Variants in BTNL8 observed in about 807,000 individuals in gnomAD.
BTNL8 encodes the protein butyrophilin like 8.
Under a neutral mutation model 36.1 loss-of-function variants are expected in BTNL8, and 22 were observed. The ratio of observed to expected loss-of-function variants is 0.61; its 90% CI spans 0.44 to 0.87. The LOEUF (loss-of-function observed/expected upper bound fraction) is 0.87. Among genes scored for constraint, BTNL8 ranks in the 40% least tolerant of loss-of-function variants. The pLI, the probability that BTNL8 is intolerant of heterozygous loss-of-function variation, is 0.00. For synonymous variants in BTNL8, 203 were observed against 235.6 expected, an observed-to-expected ratio of 0.86 and a Z score of 1.27; for missense variants, 526 against 616.9, an observed-to-expected ratio of 0.85 and a Z score of 1.56.
chr5:180,911,938 G>A (rs958399833), intron 3 of BTNL8, among the ~76,000 whole-genome samples: 5 of 152,166 alleles, frequency 3.3e-5, no homozygotes, highest in African/African-American at 1.2e-4. Context: ...ATGCTTCTGT[G>A]AGGGTGTTTA....
At chr5:180,931,071 G>C (rs949309127) in intron 3 of BTNL8, among the ~76,000 whole-genome samples, 1 of 152,132 alleles carries the variant, frequency 6.6e-6, no homozygotes, top group Non-Finnish European at 1.5e-5. Context: ...ATACTAGAAG[G>C]CTACAGTAAC....
chr5:180,908,371 G>C (rs1299419581), intron 1 of BTNL8, among the ~76,000 whole-genome samples: 3 of 152,086 alleles, frequency 2.0e-5, no homozygotes, highest in Non-Finnish European at 2.9e-5. Flanking sequence ...GCTTCGGCTC[G>C]TGCACGGTGC....
intron 5 of BTNL8, 113 bp downstream of exon 5, chr5:180,948,488 G>A (rs915698716): frequency 1.9e-6 from 3 of 1,608,504 alleles, no homozygotes; most frequent in Admixed American, 3.4e-5. Flanking sequence ...GGAAGCACCG[G>A]CAGGTGGAGG....
intron 3 of BTNL8, among the ~76,000 whole-genome samples, chr5:180,928,628 C>G (rs1409229220): frequency 1.3e-5 from 2 of 151,960 alleles, no homozygotes; most frequent in Non-Finnish European, 2.9e-5. Context: ...AATTTACCAA[C>G]CAAATGGAAA....
At chr5:180,939,390 C>T (rs1758816170) in intron 3 of BTNL8, among the ~76,000 whole-genome samples, 2 of 150,946 alleles carry the variant, frequency 1.3e-5, no homozygotes, top group African/African-American at 4.9e-5. Flanking sequence ...GAAAAAAAAA[C>T]AAGCAAGAAT....
chr5:180,911,952 A>G (rs566374633), intron 3 of BTNL8, among the ~76,000 whole-genome samples: 1 of 152,220 alleles, frequency 6.6e-6, no homozygotes, highest in African/African-American at 2.4e-5. Flanking sequence ...GTGTTTACAC[A>G]TAAGATTCAC....
At position 180,927,091 on chromosome 5, in the gene BTNL8, G is replaced by C. The variant is rs987514796; in HGVS notation, c.673+15477G>C. Among the ~76,000 whole-genome samples the C allele has an allele frequency of 2.0e-5, 3 of 152,148 alleles. No individual in the cohort carries two copies. The East Asian group carries it at 5.8e-4, about 29-fold the overall frequency. ...AGGAGAGCTCCGGCTGGCATATGGT[G>C]GATGCCCCCCTGGGACGAACCTTAC... is the stretch of plus-strand genomic sequence containing the variant. On this transcript the variant is annotated intron_variant, in intron 3 of 7. Transcript: ENST00000340184.
At chr5:180,934,206 T>C (rs941217669) in intron 3 of BTNL8, among the ~76,000 whole-genome samples, 9 of 152,230 alleles carry the variant, frequency 5.9e-5, no homozygotes, top group Admixed American at 2.0e-4. Flanking sequence ...ATAATCTCAA[T>C]TGATACAGAG....
chr5:180,950,514 C>A lies in BTNL8; in HGVS notation c.1473C>A (p.Thr491=). 1 of 1,463,066 alleles carries A rather than the reference C, an allele frequency of 6.8e-7. No homozygotes were observed. Among genetic ancestry groups the A allele is most frequent in the Non-Finnish European group, 9.4e-7 (1 of 1,059,198 alleles). The allele number at this position is 1,463,066 out of a possible 1,614,324, so 90.6% of individuals were successfully genotyped here. A position where few individuals can be genotyped will look rare whatever the true frequency, so the allele number is the denominator to read the frequency against. Residue 491 remains threonine, a synonymous_variant, in exon 8 of 8, where the codon ACC becomes ACA. Coordinates refer to ENST00000340184, the MANE Select transcript of BTNL8 (RefSeq NM_001040462.3). ...TSNSESSSQA[T]TPFLPRGEM is the part of the protein sequence containing the mutation. ...ACAGTGAGTCCTCCTCACAGGCAAC[C>A]ACGCCCTTCCTCCCCAGGGGTGAAA...
intron 1 of BTNL8, among the ~76,000 whole-genome samples, chr5:180,900,194 CTT>C (rs1372537025): frequency 6.6e-6 from 1 of 152,230 alleles, no homozygotes; most frequent in Non-Finnish European, 1.5e-5. Flanking sequence ...TGACGAGCTT[CTT>C]TGTTTCCCTT....
chr5:180,942,712 G>C (rs989383182), intron 3 of BTNL8, among the ~76,000 whole-genome samples: 2 of 151,824 alleles, frequency 1.3e-5, no homozygotes, highest in Admixed American at 1.3e-4. Flanking sequence ...TCAAAAAATA[G>C]TGCTGCATTT....
At chr5:180,944,275 T>C (rs1343739923) in intron 3 of BTNL8, among the ~76,000 whole-genome samples, 9 of 152,182 alleles carry the variant, frequency 5.9e-5, no homozygotes, top group Admixed American at 5.2e-4. Flanking sequence ...AAAGTGACTA[T>C]AGTTAACAAG....
chr5:180,910,182 G>A (rs990657874), intron 2 of BTNL8, among the ~76,000 whole-genome samples: 3 of 151,998 alleles, frequency 2.0e-5, no homozygotes, highest in Admixed American at 2.0e-4. Context: ...CTTATAACAA[G>A]GAGGAGAATG....
intron 1 of BTNL8, among the ~76,000 whole-genome samples, chr5:180,908,384 G>A (rs111999152): frequency 0.38 from 56,843 of 150,278 alleles, 12,032 homozygotes; most frequent in African/African-American, 0.6. Context: ...CACGGTGCGC[G>A]CACCCACTGA....
chr5:180,908,635 G>A lies in BTNL8; in HGVS notation c.99G>A (p.Gly33=), dbSNP rs1314724257. 2 of 1,614,218 alleles carry A rather than the reference G, an allele frequency of 1.2e-6. No homozygotes were observed. Among genetic ancestry groups the A allele is most frequent in the Non-Finnish European group, 1.7e-6 (2 of 1,180,046 alleles). ...GPDKPVQALV[G]EDAAFSCFLS... ...ACAAGCCTGTCCAGGCCTTGGTGGG[G>A]GAGGACGCAGCATTCTCCTGTTTCC... The change falls in exon 2 of 8, where the codon GGG becomes GGA. Residue 33 remains glycine, a synonymous_variant. Transcript: ENST00000340184.
intron 3 of BTNL8, among the ~76,000 whole-genome samples, chr5:180,916,724 C>T (rs1275616613): frequency 1.3e-5 from 2 of 152,104 alleles, no homozygotes; most frequent in African/African-American, 4.8e-5. Context: ...TTCCAAGATC[C>T]CCAGTGAATG....
At chr5:180,914,236 T>G (rs151275206) in intron 3 of BTNL8, among the ~76,000 whole-genome samples, 4 of 152,140 alleles carry the variant, frequency 2.6e-5, no homozygotes, top group African/African-American at 9.7e-5. Flanking sequence ...GGGGTGAACT[T>G]ACCCTTTCCA....
intron 3 of BTNL8, among the ~76,000 whole-genome samples, chr5:180,928,571 T>C (rs1758212888): frequency 6.6e-6 from 1 of 152,134 alleles, no homozygotes; most frequent in South Asian, 2.1e-4. Flanking sequence ...GGGAGACCCA[T>C]CTCACGTGCA....
intron 3 of BTNL8, among the ~76,000 whole-genome samples, chr5:180,922,608 C>G (rs558400760): frequency 6.7e-6 from 1 of 148,970 alleles, no homozygotes; most frequent in Admixed American, 6.7e-5. Flanking sequence ...TGTTTTGTGT[C>G]TGATTATGTG....
Sources: gnomAD v4.1 joint callset for allele counts (sites outside exome capture counted in the v4.1 genomes callset) on GRCh38, gnomAD v4.1.1 for gene constraint, MANE v1.5 for transcripts, NCBI Gene and HGNC (gene_info 2026-07-23, HGNC 2026-07-21) for gene names.